TRPM3: variants seen among roughly 807,000 people sequenced by gnomAD.
TRPM3 encodes long transient receptor potential channel 3.
Under a neutral mutation model 181.2 loss-of-function variants are expected in TRPM3, and 77 were observed. The observed-to-expected ratio is 0.42, with a 90% confidence interval of 0.35 to 0.51. The LOEUF (loss-of-function observed/expected upper bound fraction) is 0.51, where lower values mean the gene tolerates loss of function less well. TRPM3 is among the 20% of genes least tolerant of loss of function. The pLI is 0.01. For missense variants in TRPM3, 1,759 were observed against 2,196.7 expected (o/e 0.80, Z 3.98); for synonymous variants, 745 against 796.4 (o/e 0.94, Z 1.09).
At chr9:71,401,536 T>G (rs1161766250) in intron 1 of TRPM3, among the ~76,000 whole-genome samples, 1 of 152,176 alleles carries the variant, frequency 6.6e-6, no homozygotes, top group Admixed American at 6.5e-5. Flanking sequence ...GAGATTAGAT[T>G]TCAGAATCTA....
At chr9:71,208,536 A>C (rs2079271614) in intron 1 of TRPM3, among the ~76,000 whole-genome samples, 1 of 152,192 alleles carries the variant, frequency 6.6e-6, no homozygotes, top group African/African-American at 2.4e-5. Flanking sequence ...GCAAAGGCCA[A>C]GTTTGGTTTG....
At position 70,533,803 on chromosome 9, in the gene TRPM3, A is replaced by C. The variant is rs2041222530; in HGVS notation, c.*2150T>G. 1 of 152,220 alleles carries C rather than the reference A, an allele frequency of 6.6e-6. No homozygotes were observed. The highest frequency in any genetic ancestry group is 6.5e-5 in the Admixed American group (1 of 15,286). 9.4% of individuals were successfully genotyped at this position (152,220 alleles called of 1,614,324 possible). A position where few individuals can be genotyped will look rare whatever the true frequency, so the allele number is the denominator to read the frequency against. ...CTGGGTGTTTGTTAGCAATTCACCT[A>C]AATGCCAAGGAGTGAAAAAGGAATT... is the stretch of plus-strand genomic sequence containing the variant. On this transcript the variant is annotated 3_prime_UTR_variant, in exon 26 of 26. Coordinates refer to ENST00000677713, the MANE Select transcript of TRPM3 (RefSeq NM_001366145.2).
intron 1 of TRPM3, among the ~76,000 whole-genome samples, chr9:71,442,095 C>A (rs888161725): frequency 1.3e-5 from 2 of 152,176 alleles, no homozygotes; most frequent in African/African-American, 4.8e-5. Context: ...AGAAGAGTAG[C>A]TTTGGTAACC....
intron 1 of TRPM3, among the ~76,000 whole-genome samples, chr9:71,295,785 G>A (rs1253547504): frequency 7.0e-6 from 1 of 142,128 alleles, no homozygotes; most frequent in Non-Finnish European, 1.5e-5. Context: ...GCTTCAGTAA[G>A]CCACGATCAT....
At chr9:70,875,723 T>C (rs570262400) in intron 1 of TRPM3, among the ~76,000 whole-genome samples, 10 of 151,936 alleles carry the variant, frequency 6.6e-5, no homozygotes, top group Non-Finnish European at 1.5e-4. Flanking sequence ...ATGCAGAGAC[T>C]GCTCAAGATT....
intron 1 of TRPM3, among the ~76,000 whole-genome samples, chr9:71,337,913 C>T (rs2090673733): frequency 6.6e-6 from 1 of 152,072 alleles, no homozygotes; most frequent in South Asian, 2.1e-4. Flanking sequence ...AGGGGAACAT[C>T]ACACACCAGG....
At chr9:70,984,511 C>T (rs986758050) in intron 1 of TRPM3, among the ~76,000 whole-genome samples, 1 of 152,170 alleles carries the variant, frequency 6.6e-6, no homozygotes, top group Non-Finnish European at 1.5e-5. Context: ...ACAGAATACA[C>T]TGTTTTATAT....
At chr9:71,164,039 G>GA (rs1212267185) in intron 1 of TRPM3, among the ~76,000 whole-genome samples, 1 of 152,118 alleles carries the variant, frequency 6.6e-6, no homozygotes, top group Non-Finnish European at 1.5e-5. Flanking sequence ...TCAAGCAACA[G>GA]ATGCTAATGA....
intron 1 of TRPM3, among the ~76,000 whole-genome samples, chr9:70,902,564 T>C (rs1411365222): frequency 3.2e-4 from 48 of 152,208 alleles, no homozygotes; most frequent in Admixed American, 3.1e-3. Context: ...CTTCCAATTG[T>C]TTTACCTATT....
intron 1 of TRPM3, among the ~76,000 whole-genome samples, chr9:71,221,421 T>A (rs2080233452): frequency 6.6e-6 from 1 of 152,198 alleles, no homozygotes; most frequent in Non-Finnish European, 1.5e-5. Flanking sequence ...AAATAAAAAA[T>A]AATTTTAATA....
At position 70,535,573 on chromosome 9, in the gene TRPM3, T is replaced by G; in HGVS notation, c.*380A>C. ...GCAATTTAGCCCTGCATCCTACAACTCTTGATAATGGTCAGAAATCAACAG... is the reference window on the plus strand; with the variant it reads ...GCAATTTAGCCCTGCATCCTACAACGCTTGATAATGGTCAGAAATCAACAG... On this transcript the variant is annotated 3_prime_UTR_variant, in exon 26 of 26. Transcript: ENST00000677713. 6.6e-7 allele frequency: 1 copy of G among 1,521,764 alleles called. No homozygotes were observed. Among genetic ancestry groups the G allele is most frequent in the Non-Finnish European group, 8.8e-7 (1 of 1,137,364 alleles). The allele number at this position is 1,521,764 out of a possible 1,614,324, so 94.3% of individuals were successfully genotyped here.
At chr9:70,539,277 A>C (rs1286231016) in intron 25 of TRPM3, among the ~76,000 whole-genome samples, 2 of 152,106 alleles carry the variant, frequency 1.3e-5, no homozygotes, top group Non-Finnish European at 2.9e-5. Context: ...TACAAGAGGC[A>C]TGTGGATCTC....
At chr9:71,035,182 C>T (rs1275639984) in intron 1 of TRPM3, among the ~76,000 whole-genome samples, 1 of 152,114 alleles carries the variant, frequency 6.6e-6, no homozygotes, top group Non-Finnish European at 1.5e-5. Context: ...GATTGACAAC[C>T]ATTCAGCCAA....
chr9:70,771,813 T>C (rs114717557), intron 7 of TRPM3, among the ~76,000 whole-genome samples: 2,287 of 152,284 alleles, frequency 0.015, 70 homozygotes, highest in African/African-American at 0.051. Flanking sequence ...TCTCCCTTAC[T>C]CTGCTTTCTT....
intron 1 of TRPM3, among the ~76,000 whole-genome samples, chr9:71,368,764 A>G (rs892548620): frequency 2.0e-5 from 3 of 152,224 alleles, no homozygotes; most frequent in Admixed American, 2.0e-4. Context: ...GATCTATAAC[A>G]AAACGAAATC....
chr9:71,427,254 A>T (rs1297970885), intron 1 of TRPM3, among the ~76,000 whole-genome samples: 1 of 152,146 alleles, frequency 6.6e-6, no homozygotes, highest in Non-Finnish European at 1.5e-5. Context: ...AAGTTTTTAT[A>T]ACTGAGGGGT....
chr9:71,110,616 A>C (rs2070860258), intron 1 of TRPM3, among the ~76,000 whole-genome samples: 1 of 152,112 alleles, frequency 6.6e-6, no homozygotes, highest in Non-Finnish European at 1.5e-5. Flanking sequence ...TTTTATACAA[A>C]CCTTGCCTAC....
intron 1 of TRPM3, among the ~76,000 whole-genome samples, chr9:71,090,899 T>C (rs1206853794): frequency 6.6e-6 from 1 of 152,170 alleles, no homozygotes; most frequent in Non-Finnish European, 1.5e-5. Flanking sequence ...CTATTAGTAA[T>C]ACAATCAGTC....
At chr9:70,584,453 C>A (rs1482720280) in intron 22 of TRPM3, among the ~76,000 whole-genome samples, 2 of 152,182 alleles carry the variant, frequency 1.3e-5, no homozygotes, top group African/African-American at 4.8e-5. Flanking sequence ...CACACCTTCT[C>A]CTGTCATTAT....
Sources: allele counts gnomAD v4.1 joint callset (sites outside exome capture counted in the v4.1 genomes callset), GRCh38; gene constraint gnomAD v4.1.1; transcripts MANE v1.5; gene names NCBI Gene and HGNC (gene_info 2026-07-23, HGNC 2026-07-21).